Variants in PLCE1 observed in about 807,000 individuals in gnomAD.
The protein encoded by PLCE1 is phospholipase C epsilon 1, also known as 1-phosphatidylinositol 4,5-bisphosphate phosphodiesterase epsilon-1.
A neutral mutation model predicts 242.8 loss-of-function variants in PLCE1; 119 were observed. The ratio of observed to expected loss-of-function variants is 0.49; its 90% CI spans 0.42 to 0.57. The LOEUF (loss-of-function observed/expected upper bound fraction) is 0.57. Among genes scored for constraint, PLCE1 ranks in the 20% least tolerant of loss-of-function variants. PLCE1 has a pLI of 0.00. For missense variants in PLCE1, 2,441 were observed against 2,788.8 expected (o/e 0.88, Z 2.81); for synonymous variants, 945 against 1,017.4 (o/e 0.93, Z 1.35).
At chr10:94,324,673 C>A in intron 31 of PLCE1, 106 bp downstream of exon 31, 1 of 1,064,538 alleles carries the variant, frequency 9.4e-7, no homozygotes, top group Non-Finnish European at 1.4e-6. Flanking sequence ...GTTCCTGAGT[C>A]AAGGAATGGA....
intron 2 of PLCE1, among the ~76,000 whole-genome samples, chr10:94,076,721 A>G (rs1023066398): frequency 3.3e-5 from 5 of 151,548 alleles, no homozygotes; most frequent in Non-Finnish European, 7.4e-5. Context: ...TAATGATTTC[A>G]GCCTCCTAGA....
intron 3 of PLCE1, among the ~76,000 whole-genome samples, chr10:94,157,196 T>C (rs1197175596): frequency 1.3e-5 from 2 of 152,180 alleles, no homozygotes; most frequent in Admixed American, 6.5e-5. Context: ...AAAGTTTCCA[T>C]AGCCTGAAAT....
intron 3 of PLCE1, among the ~76,000 whole-genome samples, 200 bp from the exon 4 acceptor site, chr10:94,170,980 C>T (rs529711365): frequency 6.1e-4 from 93 of 152,280 alleles, no homozygotes; most frequent in African/African-American, 2.1e-3. Context: ...GCCACTCCAC[C>T]CCCACCTCAT....
At chr10:94,070,973 A>G (rs539217202) in intron 2 of PLCE1, among the ~76,000 whole-genome samples, 1 of 152,278 alleles carries the variant, frequency 6.6e-6, no homozygotes, top group African/African-American at 2.4e-5. Flanking sequence ...GCACCGTGCT[A>G]GACACTTCAT....
intron 2 of PLCE1, among the ~76,000 whole-genome samples, chr10:94,047,170 C>A (rs955749910): frequency 1.3e-5 from 2 of 152,150 alleles, no homozygotes; most frequent in Non-Finnish European, 2.9e-5. Context: ...GCTATATTAC[C>A]TCCAGGTAAA....
chr10:94,140,411 C>G (rs538751032), intron 3 of PLCE1, among the ~76,000 whole-genome samples: 1 of 150,906 alleles, frequency 6.6e-6, no homozygotes, highest in Non-Finnish European at 1.5e-5. Flanking sequence ...GGCGTGGTGG[C>G]ATACACCTGC....
chr10:94,076,538 A>T (rs1288769183), intron 2 of PLCE1, among the ~76,000 whole-genome samples: 13 of 152,160 alleles, frequency 8.5e-5, no homozygotes, highest in Non-Finnish European at 1.8e-4. Context: ...TCCTACCAGT[A>T]GGTGGAAATA....
chr10:94,308,586 C>T lies in PLCE1; in HGVS notation c.5890C>T (p.Arg1964Ter), dbSNP rs775052849. The T allele has an allele frequency of 3.8e-6, 6 of 1,598,844 alleles. No homozygotes were observed. The highest frequency in any genetic ancestry group is 3.3e-5 in the Admixed American group (2 of 60,008). The stretch of plus-strand genomic sequence containing the variant: ...CCAATTCTGTATTACTCCAGGATAT[C>T]GACATCTTCAGCTGCGAAACCTTCA... ...IPLKALKRGYRHLQLRNLHNE... is the reference protein window; with the variant it reads ...IPLKALKRGY Residue 1964 changes from arginine to a stop codon, truncating the protein, a stop_gained, in exon 27 of 33, where the codon CGA becomes TGA. Transcript: ENST00000371380. LOFTEE classifies it high-confidence loss of function.
chr10:94,044,998 T>A (rs773879479), intron 2 of PLCE1, among the ~76,000 whole-genome samples: 14 of 152,108 alleles, frequency 9.2e-5, no homozygotes, highest in Non-Finnish European at 1.8e-4. Context: ...TTAAAAATTT[T>A]TTATTATTAT....
intron 1 of PLCE1, among the ~76,000 whole-genome samples, 55 bp from the exon 2 acceptor site, chr10:94,030,628 T>G (rs779122411): frequency 6.6e-6 from 1 of 152,156 alleles, no homozygotes; most frequent in Non-Finnish European, 1.5e-5. Flanking sequence ...GTGAGATCAT[T>G]TTTTTAAAAA....
chr10:94,255,912 A>ACT (rs1564834353), intron 11 of PLCE1, among the ~76,000 whole-genome samples: 13 of 86,964 alleles, frequency 1.5e-4, no homozygotes, highest in Non-Finnish European at 2.2e-4. Context: ...ACACACACAC[A>ACT]CACTCTCTCT....
At chr10:94,102,455 A>G (rs1019178785) in intron 2 of PLCE1, among the ~76,000 whole-genome samples, 9 of 152,272 alleles carry the variant, frequency 5.9e-5, no homozygotes, top group African/African-American at 2.2e-4. Flanking sequence ...TTTAATAAAT[A>G]TTAAAATGAT....
At chr10:94,293,283 G>A (rs190490947) in intron 22 of PLCE1, among the ~76,000 whole-genome samples, 33 of 152,278 alleles carry the variant, frequency 2.2e-4, no homozygotes, top group Non-Finnish European at 4.3e-4. Flanking sequence ...TGGTCATTCT[G>A]TGATAAGCAT....
In PLCE1 at chr10:93,994,241, C is replaced by G. The variant is rs888026153; in HGVS notation, c.-382C>G. Among the ~76,000 whole-genome samples the G allele has an allele frequency of 7.9e-5, 12 of 152,226 alleles. No individual in the cohort carries two copies. Among genetic ancestry groups the G allele is most frequent in the African/African-American group, 2.7e-4 (11 of 41,476 alleles). ...GCTGCGCTTGGGGACGCCGGCGAGA[C>G]TCGCCAGGAGCCAAGAGGTGAGGAA... On this transcript the variant is annotated 5_prime_UTR_variant, in exon 1 of 33. Coordinates refer to ENST00000371380, the MANE Select transcript of PLCE1 (RefSeq NM_016341.4).
intron 4 of PLCE1, among the ~76,000 whole-genome samples, chr10:94,178,427 T>C (rs2048191725): frequency 6.6e-6 from 1 of 152,160 alleles, no homozygotes; most frequent in Non-Finnish European, 1.5e-5. Context: ...TCCCCAATTC[T>C]GTGTGGTCAA....
chr10:94,293,377 T>C (rs758402298), intron 22 of PLCE1, 131 bp from the exon 23 acceptor site: 18 of 982,302 alleles, frequency 1.8e-5, no homozygotes, highest in Non-Finnish European at 2.5e-5. Context: ...GAACAAAAAC[T>C]GCCAGTAGGG....
chr10:94,031,186 G>A lies in PLCE1; in HGVS notation c.140G>A (p.Ser47Asn). ...TCAAAAGCACATACTGTCAGACGAA[G>A]TGGGGAGACTTCTCATACCATCTCA... ...NISKAHTVRRSGETSHTISQL... is the reference protein window; with the variant it reads ...NISKAHTVRRNGETSHTISQL... Residue 47 changes from serine (S) to asparagine (N), a missense_variant, in exon 2 of 33, where the codon AGT becomes AAT. By Grantham distance (46) the Ser-to-Asn change is conservative (BLOSUM62 1). Around this residue, in one of 5 missense-constraint regions of PLCE1, gnomAD observed 393 missense variants for 378.5 expected, o/e 1.04. Coordinates refer to ENST00000371380, the MANE Select transcript of PLCE1 (RefSeq NM_016341.4). 6.2e-7 allele frequency: 1 copy of A among 1,613,850 alleles called. No homozygotes were observed. The highest frequency in any genetic ancestry group is 8.5e-7 in the Non-Finnish European group (1 of 1,179,852).
chr10:94,031,142 G>A lies in PLCE1; in HGVS notation c.96G>A (p.Lys32=), dbSNP rs1172068516. ...AQSAADESSE[K]VSDINISKAH... ...CGGCTGCAGATGAAAGTAGTGAAAAGGTCTCAGACATCAATATTTCAAAAG... is the reference window on the plus strand; with the variant it reads ...CGGCTGCAGATGAAAGTAGTGAAAAAGTCTCAGACATCAATATTTCAAAAG... The change falls in exon 2 of 33, where the codon AAG becomes AAA. Residue 32 remains lysine (K), a synonymous_variant. Transcript: ENST00000371380. The A allele has an allele frequency of 1.2e-6, 2 of 1,613,672 alleles. No homozygotes were observed. Among genetic ancestry groups the A allele is most frequent in the Non-Finnish European group, 1.7e-6 (2 of 1,179,842 alleles).
chr10:94,066,746 A>T (rs78360621), intron 2 of PLCE1, among the ~76,000 whole-genome samples: 3,339 of 152,336 alleles, frequency 0.022, 113 homozygotes, highest in African/African-American at 0.065. Context: ...ACTTCTAGAT[A>T]TAGACGGCTA....
Sources: allele counts gnomAD v4.1 joint callset (sites outside exome capture counted in the v4.1 genomes callset), GRCh38; gene constraint gnomAD v4.1.1; regional missense constraint gnomAD v4.1.1; transcripts MANE v1.5; gene names NCBI Gene and HGNC (gene_info 2026-07-23, HGNC 2026-07-21).